The following TBX15 variants were observed in gnomAD, a reference collection of about 807,000 sequenced individuals.
The protein encoded by TBX15 is T-box transcription factor TBX15.
A neutral mutation model predicts 53.9 loss-of-function variants in TBX15; 18 were observed. The ratio of observed to expected loss-of-function variants is 0.33; its 90% CI spans 0.23 to 0.49. TBX15 has a LOEUF of 0.49. Ranked by LOEUF, TBX15 falls within the 20% of genes least tolerant of loss-of-function variation. TBX15 has a pLI of 0.98. For missense variants in TBX15, 692 were observed against 749.5 expected (o/e 0.92, Z 0.90); for synonymous variants, 295 against 278.0 (o/e 1.06, Z -0.61).
At chr1:118,915,084 T>A (rs984750658) in intron 5 of TBX15, among the ~76,000 whole-genome samples, 1 of 152,208 alleles carries the variant, frequency 6.6e-6, no homozygotes, top group Non-Finnish European at 1.5e-5. Context: ...ATATGTCACA[T>A]GCACTCTAGT....
intron 1 of TBX15, among the ~76,000 whole-genome samples, chr1:118,966,883 T>C (rs1342705001): frequency 1.3e-5 from 2 of 152,258 alleles, no homozygotes; most frequent in African/African-American, 4.8e-5. Context: ...ATTATGCAAG[T>C]GATCTTTTTG....
intron 1 of TBX15, among the ~76,000 whole-genome samples, chr1:118,972,814 G>C (rs569874998): frequency 6.6e-6 from 1 of 152,188 alleles, no homozygotes; most frequent in Non-Finnish European, 1.5e-5. Flanking sequence ...TGGCCAGGTT[G>C]GTCTTGAACT....
At chr1:118,980,870 T>A (rs1435386197) in intron 1 of TBX15, among the ~76,000 whole-genome samples, 1 of 152,092 alleles carries the variant, frequency 6.6e-6, no homozygotes, top group East Asian at 1.9e-4. Flanking sequence ...TCTTGCTCTG[T>A]CACCCAGGTT....
intron 1 of TBX15, among the ~76,000 whole-genome samples, chr1:118,954,147 CTAAA>C (rs954618201): frequency 3.0e-4 from 45 of 152,160 alleles, no homozygotes; most frequent in African/African-American, 1.1e-3. Flanking sequence ...AATAGGAAGA[CTAAA>C]TATCGCAAAT....
chr1:118,944,072 G>A (rs1656269868), intron 1 of TBX15, among the ~76,000 whole-genome samples: 1 of 152,160 alleles, frequency 6.6e-6, no homozygotes, highest in African/African-American at 2.4e-5. Flanking sequence ...AAATCATTGA[G>A]TGTTTTTATA....
At chr1:118,921,038 A>G (rs1441101512) in intron 5 of TBX15, among the ~76,000 whole-genome samples, 3 of 142,612 alleles carry the variant, frequency 2.1e-5, no homozygotes, top group East Asian at 4.3e-4. Flanking sequence ...TTAGGTGGGC[A>G]TGGTGATACC....
intron 7 of TBX15, among the ~76,000 whole-genome samples, chr1:118,890,068 A>G (rs564909858): frequency 6.6e-6 from 1 of 152,234 alleles, no homozygotes; most frequent in Non-Finnish European, 1.5e-5. Context: ...GCCTCTCCCC[A>G]CCCTGATGAG....
rs557996243 is a variant in TBX15 at position 118,940,009 on chromosome 1, T to C, written c.206-8177A>G. ...TAAATGGGAGGTGTCAGAGTGTGAA[T>C]TGAATTAGTCTGACACTAGAGTTGA... On this transcript the variant is annotated intron_variant, in intron 1 of 7. Transcript: ENST00000369429. Among the ~76,000 whole-genome samples the C allele has an allele frequency of 1.9e-4, 29 of 152,000 alleles. 2 individuals are homozygous for C. Among genetic ancestry groups the C allele is most frequent in the African/African-American group, 6.5e-4 (27 of 41,304 alleles).
At chr1:118,942,632 T>C (rs1656218440) in intron 1 of TBX15, among the ~76,000 whole-genome samples, 1 of 152,214 alleles carries the variant, frequency 6.6e-6, no homozygotes, top group Non-Finnish European at 1.5e-5. Context: ...CTTGCATGAC[T>C]GTGAGCTGTG....
chr1:118,890,095 C>A (rs1467262653), intron 7 of TBX15, among the ~76,000 whole-genome samples: 2 of 152,182 alleles, frequency 1.3e-5, no homozygotes, highest in Non-Finnish European at 2.9e-5. Flanking sequence ...GTCACAACAG[C>A]TACATGTTTG....
intron 3 of TBX15, among the ~76,000 whole-genome samples, chr1:118,925,125 C>G (rs966819920): frequency 2.6e-5 from 4 of 152,212 alleles, no homozygotes; most frequent in Admixed American, 2.6e-4. Context: ...TTCCCTCTCT[C>G]CATGCCGTGC....
At chr1:118,926,755 G>A in intron 2 of TBX15, 144 bp from the exon 3 acceptor site, 2 of 718,164 alleles carry the variant, frequency 2.8e-6, no homozygotes, top group East Asian at 2.9e-5. Context: ...ACCCAGGCTG[G>A]AGTGCAGTAG....
At chr1:118,941,078 A>G (rs1017250714) in intron 1 of TBX15, among the ~76,000 whole-genome samples, 2 of 152,166 alleles carry the variant, frequency 1.3e-5, no homozygotes, top group African/African-American at 4.8e-5. Context: ...GTGAAGCGAT[A>G]CATTATCTCA....
At chr1:118,893,588 AAGGAAGGAAGGAAAGAAAGAAAGAAAGAG>A (rs1378662233) in intron 7 of TBX15, among the ~76,000 whole-genome samples, 9 of 137,974 alleles carry the variant, frequency 6.5e-5, no homozygotes, top group African/African-American at 2.3e-4. Context: ...GAAAGAAAGG[AAGGAAGGAAGGAAAGAAAGAAAGAAAGAG>A]AGAGAGAAAG....
chr1:118,951,616 T>A (rs1040810072), intron 1 of TBX15, among the ~76,000 whole-genome samples: 1 of 152,208 alleles, frequency 6.6e-6, no homozygotes, highest in Non-Finnish European at 1.5e-5. Context: ...GGTGCCTTTT[T>A]CTACTTTGCC....
intron 1 of TBX15, among the ~76,000 whole-genome samples, chr1:118,981,464 G>T (rs1482406876): frequency 6.6e-6 from 1 of 152,096 alleles, no homozygotes; most frequent in Non-Finnish European, 1.5e-5. Flanking sequence ...ACATACATTT[G>T]TGAACATATG....
chr1:118,885,065 T>A lies in TBX15; in HGVS notation c.1476A>T (p.Ser492=). The change falls in exon 8 of 8, where the codon TCA becomes TCT. Residue 492 remains serine (S), a synonymous_variant. Transcript: ENST00000369429. ...QAGNAASSSS[S]PHMFGGSHMQ... is the part of the protein sequence containing the mutation. ...TGTGGCTGCCCCCGAACATGTGTGG[T>A]GATGAGGAGCTGGAGGCAGCATTGC... The A allele has an allele frequency of 6.2e-7, 1 of 1,614,020 alleles. No homozygotes were observed.
At chr1:118,907,406 T>C (rs560396595) in intron 6 of TBX15, among the ~76,000 whole-genome samples, 1 of 152,358 alleles carries the variant, frequency 6.6e-6, no homozygotes, top group South Asian at 2.1e-4. Context: ...GTGTTTGCTT[T>C]GGAGGAAGTC....
At chr1:118,939,404 T>A (rs542104566) in intron 1 of TBX15, among the ~76,000 whole-genome samples, 61 of 25,426 alleles carry the variant, frequency 2.4e-3, no homozygotes, top group African/African-American at 0.011. Flanking sequence ...TGAGATCTAG[T>A]CTCAAAAAAA....
Sources: allele counts gnomAD v4.1 joint callset (sites outside exome capture counted in the v4.1 genomes callset), GRCh38; gene constraint gnomAD v4.1.1; transcripts MANE v1.5; gene names NCBI Gene and HGNC (gene_info 2026-07-23, HGNC 2026-07-21).